ZNF469: variants seen among roughly 807,000 people sequenced by gnomAD.
ZNF469 encodes the protein zinc finger protein 469.
A neutral mutation model predicts 1.0 loss-of-function variants in ZNF469; 1 was observed. The observed-to-expected ratio is 1.00, with a 90% CI of 0.35 to 4.73. The LOEUF (loss-of-function observed/expected upper bound fraction) is 4.73. Among genes scored for constraint, ZNF469 ranks in the 30% most tolerant of loss-of-function variants. ZNF469 has a pLI of 0.16. For missense variants in ZNF469, 6,100 were observed against 5,356.3 expected, an observed-to-expected ratio of 1.14 and a Z score of -4.33; for synonymous variants, 2,703 against 2,363.4, an observed-to-expected ratio of 1.14 and a Z score of -4.17.
chr16:88,431,676 C>G lies in ZNF469; in HGVS notation c.4206C>G (p.Pro1402=). 6.4e-7 allele frequency: 1 copy of G among 1,550,450 alleles called. No homozygotes were observed. The highest frequency in any genetic ancestry group is 8.7e-7 in the Non-Finnish European group (1 of 1,146,978). Residue 1402 remains proline (P), a synonymous_variant, in exon 3 of 3, where the codon CCC becomes CCG. Coordinates refer to ENST00000565624, the MANE Select transcript of ZNF469 (RefSeq NM_001367624.2). The part of the protein sequence containing the change: ...GCFLEELHPK[P]SARDAPPASS... ...TCCTGGAAGAACTGCACCCCAAGCC[C>G]TCAGCCAGGGATGCCCCGCCGGCCA... is the stretch of plus-strand genomic sequence containing the variant.
rs1472622758 is a variant in ZNF469 at position 88,429,187 on chromosome 16, C to G, written c.1717C>G (p.His573Asp). Residue 573 changes from histidine to aspartate, a missense_variant, in exon 3 of 3, where the codon CAC becomes GAC. By Grantham distance (81) the His-to-Asp change is moderately conservative (BLOSUM62 -1). Transcript: ENST00000565624. ...FGVAQPQVSP[H>D]GTPSLPPPRV... ...GGTGGCCCAGCCCCAGGTTTCACCC[C>G]ACGGGACACCCAGCCTGCCCCCACC... 6.5e-7 allele frequency: 1 copy of G among 1,549,926 alleles called. No homozygotes were observed.
At chr16:88,333,081 G>A in the ZNF469 span, among the ~76,000 whole-genome samples, 1 of 152,190 alleles carries the variant, frequency 6.6e-6, no homozygotes, top group Non-Finnish European at 1.5e-5. Flanking sequence ...AAACCTTAGA[G>A]GGAGGAGGCC....
At chr16:88,403,417 G>A (rs1904938582) in intron 1 of ZNF469, among the ~76,000 whole-genome samples, 1 of 152,236 alleles carries the variant, frequency 6.6e-6, no homozygotes, top group Non-Finnish European at 1.5e-5. Flanking sequence ...TTGGACAGTG[G>A]TGGGATTGGG....
At chr16:88,237,689 GCCCTCTGTGCTCCTGCCAGT>G in the ZNF469 span, among the ~76,000 whole-genome samples, 1 of 34,772 alleles carries the variant, frequency 2.9e-5, no homozygotes, top group African/African-American at 9.4e-5. Flanking sequence ...CACCCTCCCT[GCCCTCTGTGCTCCTGCCAGT>G]CACCCTCCCT....
the ZNF469 span, among the ~76,000 whole-genome samples, chr16:88,332,922 A>G: frequency 3.9e-5 from 6 of 152,144 alleles, no homozygotes; most frequent in Non-Finnish European, 5.9e-5. Context: ...TTTCCAGCCC[A>G]TGACCTTCCC....
the ZNF469 span, among the ~76,000 whole-genome samples, chr16:88,289,362 G>A: frequency 6.6e-6 from 1 of 151,716 alleles, no homozygotes; most frequent in Admixed American, 6.6e-5. Context: ...TGATGAGGGT[G>A]ATGATGGTGA....
Position 88,427,406 on chromosome 16 carries a change from T to C in ZNF469, c.-65T>C. 2 of 1,423,784 alleles carry C rather than the reference T, an allele frequency of 1.4e-6. No homozygotes were observed. The highest frequency in any genetic ancestry group is 1.8e-6 in the Non-Finnish European group (2 of 1,088,552). The allele number at this position is 1,423,784 out of a possible 1,614,324, so 88.2% of individuals were successfully genotyped here. On this transcript the variant is annotated 5_prime_UTR_variant, in exon 3 of 3. Coordinates refer to ENST00000565624, the MANE Select transcript of ZNF469 (RefSeq NM_001367624.2). ...GCCCATCGAGGGCTGAGGATGGCCGTCCAGCCCACTCCCCAGGGCCCCCCT... is the reference window on the plus strand; with the variant it reads ...GCCCATCGAGGGCTGAGGATGGCCGCCCAGCCCACTCCCCAGGGCCCCCCT...
chr16:88,425,262 C>A (rs915910012), intron 2 of ZNF469, among the ~76,000 whole-genome samples: 1 of 152,172 alleles, frequency 6.6e-6, no homozygotes, highest in African/African-American at 2.4e-5. Flanking sequence ...TCCATCTGGG[C>A]TGAGGTCCCC....
At chr16:88,203,314 A>C in the ZNF469 span, among the ~76,000 whole-genome samples, 2 of 152,138 alleles carry the variant, frequency 1.3e-5, no homozygotes, top group Admixed American at 1.3e-4. Context: ...TGGGTTACTC[A>C]TCCGCCCGCT....
In ZNF469 at chr16:88,391,501, G is replaced by A. The variant is rs540937198; in HGVS notation, c.-192+8247G>A. On this transcript the variant is annotated intron_variant, in intron 1 of 2. Transcript: ENST00000565624. ...GGGTTGGCTGTCTCTGCCACCCAAG[G>A]CAAGGGTGTCCCTCTCTGGCTTTGG... Among the ~76,000 whole-genome samples the A allele has an allele frequency of 3.7e-5, 3 of 80,184 alleles. No individual in the cohort carries two copies. In the South Asian group the frequency reaches 8.5e-4, roughly 23 times the overall value. The allele number at this position is 80,184 out of a possible 152,430, so 52.6% of individuals were successfully genotyped here. A position where few individuals can be genotyped will look rare whatever the true frequency, so the allele number is the denominator to read the frequency against.
the ZNF469 span, among the ~76,000 whole-genome samples, chr16:88,124,830 C>T: frequency 3.3e-5 from 5 of 151,932 alleles, no homozygotes; most frequent in South Asian, 2.1e-4. Context: ...GTGATCCACC[C>T]GTCTCAGTGT....
At chr16:88,150,019 A>T in the ZNF469 span, among the ~76,000 whole-genome samples, 1 of 152,314 alleles carries the variant, frequency 6.6e-6, no homozygotes, top group South Asian at 2.1e-4. Flanking sequence ...TTCAAAAAAC[A>T]TTTGTTGGTT....
At chr16:88,125,167 T>C in the ZNF469 span, among the ~76,000 whole-genome samples, 1,462 of 152,316 alleles carry the variant, frequency 9.6e-3, 22 homozygotes, top group African/African-American at 0.033. Context: ...TAGCACTTTG[T>C]TGAAAATTGA....
At chr16:88,176,576 T>G in the ZNF469 span, among the ~76,000 whole-genome samples, 2 of 152,052 alleles carry the variant, frequency 1.3e-5, no homozygotes, top group Non-Finnish European at 2.9e-5. Context: ...CTCTCTCCCA[T>G]GAAATTAAAG....
the ZNF469 span, among the ~76,000 whole-genome samples, chr16:88,344,755 G>C: frequency 3.9e-5 from 6 of 152,216 alleles, no homozygotes; most frequent in Non-Finnish European, 7.3e-5. Flanking sequence ...CAAAGTGCCT[G>C]GGTTCCTGGG....
At chr16:88,414,188 C>A (rs1229691624) in intron 1 of ZNF469, among the ~76,000 whole-genome samples, 3 of 152,224 alleles carry the variant, frequency 2.0e-5, no homozygotes, top group Non-Finnish European at 4.4e-5. Flanking sequence ...TAGAGTCCAA[C>A]CTTGGGAGCC....
At chr16:88,251,556 T>G in the ZNF469 span, among the ~76,000 whole-genome samples, 9,743 of 113,458 alleles carry the variant, frequency 0.086, 1,088 homozygotes, top group East Asian at 0.25. Context: ...TTTTTTTTTT[T>G]TTTTTTTTTT....
chr16:88,437,482 G>A lies in ZNF469; in HGVS notation c.10012G>A (p.Asp3338Asn), dbSNP rs780605971. 5 of 1,537,718 alleles carry A rather than the reference G, an allele frequency of 3.3e-6. No individual in the cohort carries two copies. The South Asian group carries it at 6.0e-5, about 18-fold the overall frequency. The part of the protein sequence containing the change: ...VHEACKDPSR[D>N]CHHCGKRFPK... ...CGAGGCCTGCAAGGACCCCTCCCGC[G>A]ACTGCCACCACTGCGGGAAGCGCTT... is the stretch of plus-strand genomic sequence containing the variant. Residue 3338 changes from aspartate to asparagine, a missense_variant, in exon 3 of 3, where the codon GAC (aspartate) becomes AAC (asparagine). Transcript: ENST00000565624.
the ZNF469 span, among the ~76,000 whole-genome samples, chr16:88,104,037 G>A: frequency 6.6e-6 from 1 of 151,984 alleles, no homozygotes; most frequent in Non-Finnish European, 1.5e-5. Context: ...CGTCTGCTGT[G>A]CCCCAGGTGG....
Sources: gnomAD v4.1 joint callset for allele counts (sites outside exome capture counted in the v4.1 genomes callset) on GRCh38, gnomAD v4.1.1 for gene constraint, MANE v1.5 for transcripts, NCBI Gene and HGNC (gene_info 2026-07-23, HGNC 2026-07-21) for gene names.